Variants in THSD4 observed in about 807,000 individuals in gnomAD.
The protein encoded by THSD4 is thrombospondin type-1 domain-containing protein 4.
Under a neutral mutation model 119.0 loss-of-function variants are expected in THSD4, and 69 were observed. The ratio of observed to expected loss-of-function variants is 0.58; its 90% CI spans 0.48 to 0.71. The LOEUF is 0.71. Ranked by LOEUF, THSD4 falls within the 30% of genes least tolerant of loss-of-function variation. The probability of loss-of-function intolerance (pLI) is 0.00; values close to 1 mark genes in which losing one functional copy is unlikely to be tolerated. For synonymous variants in THSD4, 524 were observed against 540.4 expected, an observed-to-expected ratio of 0.97 and a Z score of 0.42; for missense variants, 1,393 against 1,391.1, an observed-to-expected ratio of 1.00 and a Z score of -0.02.
rs142929266 is a variant in THSD4, at chr15:71,622,510, C to T, written c.1153-38020C>T. Among the ~76,000 whole-genome samples the T allele has an allele frequency of 2.4e-4, 36 of 152,278 alleles. No individual in the cohort carries two copies. The East Asian group carries it at 6.0e-3, about 25-fold the overall frequency. On this transcript the variant is annotated intron_variant, in intron 7 of 17. Coordinates refer to ENST00000261862, the MANE Select transcript of THSD4 (RefSeq NM_024817.3). ...CAGTTGACTCCTTTTTGACAAATTC[C>T]GTATGTCTCTTTACTTCATTGCAAC...
chr15:71,369,827 A>G lies in THSD4; in HGVS notation c.1016-41860A>G, dbSNP rs541069097. Among the ~76,000 whole-genome samples the G allele has an allele frequency of 9.6e-3, 1,462 of 152,124 alleles. 28 individuals carry two copies. Among genetic ancestry groups the G allele is most frequent in the African/African-American group, 0.033 (1,368 of 41,508 alleles). The stretch of plus-strand genomic sequence containing the variant: ...GTTAGGGAGGATTCCCTCTTTTTCT[A>G]TTGATTGGAATAGTTTCAGAAGGAA... On this transcript the variant is annotated intron_variant, in intron 6 of 17. Transcript: ENST00000261862.
At chr15:71,241,752 A>C (rs2044155105) in intron 4 of THSD4, among the ~76,000 whole-genome samples, 2 of 151,884 alleles carry the variant, frequency 1.3e-5, no homozygotes, top group African/African-American at 4.8e-5. Flanking sequence ...GCCCCACCCC[A>C]CCTCAGGGCA....
chr15:71,441,164 T>C (rs2047082867), intron 7 of THSD4, among the ~76,000 whole-genome samples: 1 of 152,052 alleles, frequency 6.6e-6, no homozygotes, highest in Non-Finnish European at 1.5e-5. Flanking sequence ...CAGGGTGCAT[T>C]GTGAATAATA....
upstream of THSD4, among the ~76,000 whole-genome samples, chr15:71,114,222 A>AT (rs796831935): frequency 0.032 from 4,693 of 144,794 alleles, 197 homozygotes; most frequent in African/African-American, 0.097. Flanking sequence ...CCTTTTGTTA[A>AT]TTTTTTTTTT....
intron 4 of THSD4, among the ~76,000 whole-genome samples, chr15:71,217,514 T>C (rs139689796): frequency 0.036 from 5,407 of 151,540 alleles, 359 homozygotes; most frequent in African/African-American, 0.13. Flanking sequence ...TCCCAGCTAC[T>C]CGGGAGGCTG....
At chr15:71,696,450 C>T (rs187990102) in intron 8 of THSD4, among the ~76,000 whole-genome samples, 1 of 152,226 alleles carries the variant, frequency 6.6e-6, no homozygotes, top group East Asian at 1.9e-4. Flanking sequence ...AGGGATCCAC[C>T]CCCAATGACC....
chr15:71,160,749 CTG>C (rs1340503300), intron 3 of THSD4, among the ~76,000 whole-genome samples: 9 of 150,932 alleles, frequency 6.0e-5, no homozygotes, highest in Non-Finnish European at 1.3e-4. Flanking sequence ...AAAACACAAA[CTG>C]TTTATTTTGT....
chr15:71,462,423 G>T (rs1005057672), intron 7 of THSD4, among the ~76,000 whole-genome samples: 1 of 152,164 alleles, frequency 6.6e-6, no homozygotes, highest in African/African-American at 2.4e-5. Flanking sequence ...AAAATGTTGG[G>T]ATTGCAGGCA....
At chr15:71,544,542 C>T (rs1313898970) in intron 7 of THSD4, among the ~76,000 whole-genome samples, 2 of 152,156 alleles carry the variant, frequency 1.3e-5, no homozygotes, top group Non-Finnish European at 2.9e-5. Context: ...ATTGAACCTT[C>T]ATGCATTGCT....
At chr15:71,211,490 G>A (rs1207686616) in intron 3 of THSD4, among the ~76,000 whole-genome samples, 2 of 152,038 alleles carry the variant, frequency 1.3e-5, no homozygotes, top group African/African-American at 2.4e-5. Flanking sequence ...CCTTACTCTG[G>A]TCTCTCTTCT....
rs565210835 is a variant in THSD4 at position 71,338,427 on chromosome 15, A to G, written c.1016-73260A>G. Among the ~76,000 whole-genome samples, 8 of 152,016 alleles carry G rather than the reference A, an allele frequency of 5.3e-5. No homozygotes were observed. The East Asian group carries it at 1.6e-3, about 29-fold the overall frequency. ...GGAGGTTCACATTGCTCCAGTTCAT[A>G]CTCGCGCGTGGATCCTAGAATTGGG... On this transcript the variant is annotated intron_variant, in intron 6 of 17. Coordinates refer to ENST00000261862, the MANE Select transcript of THSD4 (RefSeq NM_024817.3).
intron 6 of THSD4, among the ~76,000 whole-genome samples, chr15:71,376,275 G>A (rs2046135687): frequency 6.6e-6 from 1 of 152,142 alleles, no homozygotes; most frequent in East Asian, 1.9e-4. Context: ...CTGAGGGCCT[G>A]GCTGCAGGCT....
chr15:71,771,233 G>A (rs1281732799), intron 17 of THSD4, 25 bp downstream of exon 17: 2 of 1,611,478 alleles, frequency 1.2e-6, no homozygotes, highest in Non-Finnish European at 1.7e-6. Flanking sequence ...CAATCATGGG[G>A]GAAAGGTTTG....
intron 1 of THSD4, among the ~76,000 whole-genome samples, chr15:71,123,939 C>T (rs138726491): frequency 9.2e-5 from 14 of 152,262 alleles, no homozygotes; most frequent in African/African-American, 2.6e-4. Context: ...CTCATATGGT[C>T]GCACTCTCTC....
chr15:71,167,134 G>T (rs1316386336), intron 3 of THSD4: 1 of 152,142 alleles, frequency 6.6e-6, no homozygotes, highest in Non-Finnish European at 1.5e-5. Context: ...TCCTGGTTAT[G>T]TGCTCAAAAA....
chr15:71,125,656 C>T (rs1192326227), intron 1 of THSD4, among the ~76,000 whole-genome samples: 1 of 152,176 alleles, frequency 6.6e-6, no homozygotes, highest in Non-Finnish European at 1.5e-5. Flanking sequence ...GAAGAAGGCG[C>T]CTCCAGCTGG....
In THSD4 at chr15:71,717,564, A is replaced by C. The variant is rs1485031036; in HGVS notation, c.1358-10985A>C. On this transcript the variant is annotated intron_variant, in intron 8 of 17. Coordinates refer to ENST00000261862, the MANE Select transcript of THSD4 (RefSeq NM_024817.3). ...CTTTCTGCTCCTGAGGTTAAAAAAA[A>C]ATCTTGAGAAACTTAAATATGGCAT... Among the ~76,000 whole-genome samples the C allele has an allele frequency of 2.6e-5, 4 of 151,366 alleles. No homozygotes were observed. In the South Asian group the frequency reaches 6.3e-4, roughly 24 times the overall value.
intron 7 of THSD4, among the ~76,000 whole-genome samples, chr15:71,643,319 A>C (rs147986599): frequency 2.0e-5 from 3 of 152,226 alleles, no homozygotes; most frequent in East Asian, 3.9e-4. Flanking sequence ...TTTTTGAGAC[A>C]ATTTTTAGGT....
At chr15:71,185,119 C>T (rs955687309) in intron 3 of THSD4, among the ~76,000 whole-genome samples, 7 of 151,740 alleles carry the variant, frequency 4.6e-5, no homozygotes, top group Non-Finnish European at 2.9e-5. Flanking sequence ...ACCTACATTT[C>T]CTAAGACCAA....
Sources: gnomAD v4.1 joint callset for allele counts (sites outside exome capture counted in the v4.1 genomes callset) on GRCh38, gnomAD v4.1.1 for gene constraint, MANE v1.5 for transcripts, NCBI Gene and HGNC (gene_info 2026-07-23, HGNC 2026-07-21) for gene names.